TXNDC9: variants seen among roughly 807,000 people sequenced by gnomAD.
The protein encoded by TXNDC9 is thioredoxin domain containing 9, also known as thioredoxin domain-containing protein 9.
TXNDC9 carries 7 observed loss-of-function variants against 23.0 expected under a neutral mutation model. The ratio of observed to expected loss-of-function variants is 0.30; its 90% CI spans 0.17 to 0.57. The LOEUF is 0.57. TXNDC9 is among the 20% of genes least tolerant of loss of function. The pLI is 0.90. For synonymous variants in TXNDC9, 72 were observed against 90.6 expected, an observed-to-expected ratio of 0.79 and a Z score of 1.17; for missense variants, 198 against 252.6, an observed-to-expected ratio of 0.78 and a Z score of 1.47.
chr2:99,328,243 A>G (rs948385493), intron 2 of TXNDC9, among the ~76,000 whole-genome samples: 9 of 146,384 alleles, frequency 6.1e-5, no homozygotes, highest in Admixed American at 2.8e-4. Context: ...CCACTGGCGC[A>G]TGCCACACCA....
chr2:99,319,437 TAA>T lies in TXNDC9; in HGVS notation c.*243_*244del, dbSNP rs2094196385. ...TAAAGATGTAAGAATCATATTGTGATAAAGTCAATCTCAAAAATAGAGAATCC... is the reference window on the plus strand; with the variant it reads ...TAAAGATGTAAGAATCATATTGTGATAGTCAATCTCAAAAATAGAGAATCC... On this transcript the variant is annotated 3_prime_UTR_variant, in exon 5 of 5. Transcript: ENST00000264255. 2.9e-6 allele frequency: 1 copy of T among 344,656 alleles called. No individual in the cohort carries two copies. The highest frequency in any genetic ancestry group is 5.2e-6 in the Non-Finnish European group (1 of 193,298). 21.3% of individuals were successfully genotyped at this position (344,656 alleles called of 1,614,324 possible). A position where few individuals can be genotyped will look rare whatever the true frequency, so the allele number is the denominator to read the frequency against.
chr2:99,306,861 C>G, the TXNDC9 span: 74 of 437,398 alleles, frequency 1.7e-4, no homozygotes, highest in African/African-American at 1.3e-3. Context: ...CACTCTCATG[C>G]TACAATGTCA....
chr2:99,327,830 G>GC (rs1221422898), intron 2 of TXNDC9, among the ~76,000 whole-genome samples, 177 bp from the exon 3 acceptor site: 4 of 150,820 alleles, frequency 2.7e-5, no homozygotes, highest in Admixed American at 2.6e-4. Flanking sequence ...CTGTCACCAG[G>GC]CTGGAGGGCA....
At chr2:99,332,779 C>T (rs990241551) in intron 2 of TXNDC9, 2 of 423,694 alleles carry the variant, frequency 4.7e-6, no homozygotes, top group Non-Finnish European at 4.2e-6. Flanking sequence ...AATCCAAGCT[C>T]AGAAAAACGA....
intron 3 of TXNDC9, among the ~76,000 whole-genome samples, chr2:99,324,747 T>C (rs1008726283): frequency 6.6e-6 from 1 of 151,726 alleles, no homozygotes; most frequent in Admixed American, 6.6e-5. Flanking sequence ...CTAATTTTAA[T>C]TTGTATTTAA....
At chr2:99,316,818 G>A (rs1456164840), downstream of TXNDC9, among the ~76,000 whole-genome samples, 1 of 151,960 alleles carries the variant, frequency 6.6e-6, no homozygotes, top group Non-Finnish European at 1.5e-5. Flanking sequence ...GTGCAGTGGC[G>A]CAATCTCGGC....
At chr2:99,312,714 T>A in the TXNDC9 span, among the ~76,000 whole-genome samples, 1 of 152,194 alleles carries the variant, frequency 6.6e-6, no homozygotes, top group African/African-American at 2.4e-5. Flanking sequence ...AATAAAAATT[T>A]GGGAGAAATG....
downstream of TXNDC9, among the ~76,000 whole-genome samples, chr2:99,315,257 G>A (rs2105315133): frequency 6.6e-6 from 1 of 151,960 alleles, no homozygotes; most frequent in African/African-American, 2.4e-5. Context: ...AGTAGAGACG[G>A]GGTTTCACCG....
chr2:99,332,427 A>T (rs937491936), intron 2 of TXNDC9, among the ~76,000 whole-genome samples: 2 of 152,212 alleles, frequency 1.3e-5, no homozygotes, highest in Non-Finnish European at 1.5e-5. Flanking sequence ...AGGGTGTCAC[A>T]GCGAGACTCC....
intron 1 of TXNDC9, among the ~76,000 whole-genome samples, chr2:99,335,560 G>T (rs200914974): frequency 1.3e-5 from 2 of 150,520 alleles, no homozygotes; most frequent in Non-Finnish European, 3.0e-5. Context: ...ACACAGCAAA[G>T]ATTTCCACGC....
intron 3 of TXNDC9, among the ~76,000 whole-genome samples, chr2:99,325,953 G>C (rs1574907059): frequency 6.6e-6 from 1 of 151,894 alleles, no homozygotes; most frequent in African/African-American, 2.4e-5. Context: ...GGAGGTTGGA[G>C]TGAGCCAAGA....
downstream of TXNDC9, among the ~76,000 whole-genome samples, chr2:99,315,681 CT>C (rs2105315458): frequency 6.6e-6 from 1 of 152,262 alleles, no homozygotes; most frequent in Non-Finnish European, 1.5e-5. Context: ...TCGAGTTTAA[CT>C]TTTGTATATC....
At chr2:99,308,508 A>G in the TXNDC9 span, among the ~76,000 whole-genome samples, 2 of 152,042 alleles carry the variant, frequency 1.3e-5, no homozygotes, top group Middle Eastern at 3.2e-3. Context: ...TGCTATTACT[A>G]TTTTAATTTT....
the TXNDC9 span, among the ~76,000 whole-genome samples, chr2:99,308,718 A>AT: frequency 2.3e-4 from 34 of 149,174 alleles, no homozygotes; most frequent in Middle Eastern, 3.5e-3. Context: ...AAATAAAATA[A>AT]TTTTTTTTTT....
chr2:99,309,620 G>A, the TXNDC9 span, among the ~76,000 whole-genome samples: 3 of 152,074 alleles, frequency 2.0e-5, no homozygotes, highest in Non-Finnish European at 4.4e-5. Flanking sequence ...GATCACCTGA[G>A]GTCAGGAGTT....
intron 2 of TXNDC9, among the ~76,000 whole-genome samples, chr2:99,331,679 A>C (rs2094225939): frequency 6.6e-6 from 1 of 152,228 alleles, no homozygotes; most frequent in South Asian, 2.1e-4. Flanking sequence ...TCTTCTAAAC[A>C]TGAGGGTGTA....
downstream of TXNDC9, among the ~76,000 whole-genome samples, chr2:99,317,400 C>CTGGATGAT (rs2105316728): frequency 6.6e-6 from 1 of 152,252 alleles, no homozygotes; most frequent in Non-Finnish European, 1.5e-5. Context: ...AGTTTCTTGG[C>CTGGATGAT]TGGATGATTT....
intron 3 of TXNDC9, among the ~76,000 whole-genome samples, chr2:99,324,723 G>A (rs926314812): frequency 3.9e-5 from 6 of 152,040 alleles, no homozygotes; most frequent in African/African-American, 9.6e-5. Context: ...ACAGGCACCC[G>A]CACCATTGCC....
chr2:99,333,872 A>C (rs2094231780), intron 1 of TXNDC9, among the ~76,000 whole-genome samples: 1 of 152,234 alleles, frequency 6.6e-6, no homozygotes, highest in Non-Finnish European at 1.5e-5. Flanking sequence ...GAGGTCACAA[A>C]AATTAATACT....
Sources: allele counts gnomAD v4.1 joint callset (sites outside exome capture counted in the v4.1 genomes callset), GRCh38; gene constraint gnomAD v4.1.1; transcripts MANE v1.5; gene names NCBI Gene and HGNC (gene_info 2026-07-23, HGNC 2026-07-21).